IL1RAP: variants seen among roughly 807,000 people sequenced by gnomAD.
The protein encoded by IL1RAP is interleukin 1 receptor accessory protein, also known as interleukin-1 receptor accessory protein.
IL1RAP carries 35 observed loss-of-function variants against 60.7 expected under a neutral mutation model. The ratio of observed to expected loss-of-function variants is 0.58; its 90% CI spans 0.44 to 0.76. IL1RAP has a LOEUF of 0.76. IL1RAP is among the 30% of genes least tolerant of loss of function. The pLI, the probability that IL1RAP is intolerant of heterozygous loss-of-function variation, is 0.00. For missense variants in IL1RAP, 572 were observed against 693.9 expected (o/e 0.82, Z 1.97); for synonymous variants, 268 against 250.9 (o/e 1.07, Z -0.64).
chr3:190,631,060 A>C (rs1340968059), intron 9 of IL1RAP, among the ~76,000 whole-genome samples: 1 of 152,210 alleles, frequency 6.6e-6, no homozygotes, highest in Non-Finnish European at 1.5e-5. Context: ...TTAAAAAATC[A>C]ATCAAGTTAC....
intron 9 of IL1RAP, among the ~76,000 whole-genome samples, chr3:190,639,231 T>C (rs1577803372): frequency 6.6e-6 from 1 of 152,128 alleles, no homozygotes; most frequent in African/African-American, 2.4e-5. Flanking sequence ...CCTCACTCTT[T>C]CTCTTCTTTT....
rs367601645 is a variant in IL1RAP at position 190,573,929 on chromosome 3, A to C, written c.64+9576A>C. On this transcript the variant is annotated intron_variant, in intron 3 of 11. Coordinates refer to ENST00000447382, the MANE Select transcript of IL1RAP (RefSeq NM_002182.4). ...ATTTCTGAAAAGCCTCATAATTCAG[A>C]AATACATGTTTTCTTCCATCGTTAC... Among the ~76,000 whole-genome samples, 6 of 152,344 alleles carry C rather than the reference A, an allele frequency of 3.9e-5. No homozygotes were observed. In the East Asian group the frequency reaches 1.2e-3, roughly 29 times the overall value.
At chr3:190,631,099 T>A (rs1410932331) in intron 9 of IL1RAP, among the ~76,000 whole-genome samples, 3 of 152,222 alleles carry the variant, frequency 2.0e-5, no homozygotes, top group Non-Finnish European at 4.4e-5. Context: ...AAGTATTTAA[T>A]ATGTGAACAT....
At chr3:190,636,763 T>C (rs1733257610) in intron 9 of IL1RAP, among the ~76,000 whole-genome samples, 1 of 152,188 alleles carries the variant, frequency 6.6e-6, no homozygotes, top group Non-Finnish European at 1.5e-5. Context: ...AATCTGATCA[T>C]TTCTGGCTTT....
chr3:190,637,583 T>G (rs1249208131), intron 9 of IL1RAP, among the ~76,000 whole-genome samples: 1 of 152,170 alleles, frequency 6.6e-6, no homozygotes, highest in Non-Finnish European at 1.5e-5. Context: ...TATCAGTGTT[T>G]TAATATTTAT....
At chr3:190,633,762 G>T (rs1279240278) in intron 9 of IL1RAP, among the ~76,000 whole-genome samples, 1 of 152,162 alleles carries the variant, frequency 6.6e-6, no homozygotes, top group Admixed American at 6.5e-5. Context: ...TTAGGGTGGG[G>T]TTTGTTTGTT....
chr3:190,588,344 C>A (rs953502815), intron 3 of IL1RAP, among the ~76,000 whole-genome samples: 1 of 152,210 alleles, frequency 6.6e-6, no homozygotes, highest in East Asian at 1.9e-4. Flanking sequence ...GATCTCTTGA[C>A]CTCGTGATCC....
At chr3:190,580,256 C>T (rs1483975909) in intron 3 of IL1RAP, among the ~76,000 whole-genome samples, 2 of 152,178 alleles carry the variant, frequency 1.3e-5, no homozygotes, top group Non-Finnish European at 2.9e-5. Context: ...AGAACATCTC[C>T]TGTGAGTATC....
intron 2 of IL1RAP, among the ~76,000 whole-genome samples, chr3:190,556,517 C>A (rs1725442740): frequency 6.6e-6 from 1 of 152,080 alleles, no homozygotes; most frequent in Non-Finnish European, 1.5e-5. Flanking sequence ...GATATGAGGC[C>A]TAGAGAAGGG....
intron 9 of IL1RAP, among the ~76,000 whole-genome samples, chr3:190,634,872 C>T (rs796323123): frequency 1.1e-4 from 17 of 152,254 alleles, no homozygotes; most frequent in African/African-American, 3.9e-4. Flanking sequence ...TCCGCCTCCA[C>T]GGCCGGCTAA....
intron 3 of IL1RAP, among the ~76,000 whole-genome samples, chr3:190,585,216 G>A (rs1279967007): frequency 6.6e-6 from 1 of 152,042 alleles, no homozygotes; most frequent in Non-Finnish European, 1.5e-5. Flanking sequence ...GGCATTAGGG[G>A]ATGAAAAAGG....
chr3:190,587,949 C>T (rs543635047), intron 3 of IL1RAP, among the ~76,000 whole-genome samples: 13 of 152,310 alleles, frequency 8.5e-5, no homozygotes, highest in Admixed American at 3.3e-4. Flanking sequence ...ATGTCTAAAA[C>T]TTCCATCTAA....
intron 1 of IL1RAP, among the ~76,000 whole-genome samples, chr3:190,514,835 G>A (rs1304103443): frequency 6.6e-6 from 1 of 152,192 alleles, no homozygotes; most frequent in East Asian, 1.9e-4. Flanking sequence ...TCCCAGCCCC[G>A]GAGGAAGCGG....
At chr3:190,630,083 G>C (rs760945987) in intron 9 of IL1RAP, 9 of 778,028 alleles carry the variant, frequency 1.2e-5, no homozygotes, top group African/African-American at 3.8e-5. Flanking sequence ...TTCCAAAAAT[G>C]CATAATTATA....
intron 11 of IL1RAP, 111 bp downstream of exon 11, chr3:190,645,953 C>A (rs761598146): frequency 4.5e-6 from 4 of 898,374 alleles, no homozygotes; most frequent in South Asian, 1.8e-5. Context: ...ATTTAATGTC[C>A]GATGCTCTTT....
chr3:190,564,969 C>T (rs1041308326), intron 3 of IL1RAP, among the ~76,000 whole-genome samples: 12 of 152,102 alleles, frequency 7.9e-5, no homozygotes, highest in Non-Finnish European at 1.5e-5. Context: ...TTCAGATCTC[C>T]TCTTCTTCCC....
In IL1RAP at chr3:190,602,573, A is replaced by C. The variant is rs77455626; in HGVS notation, c.65-1555A>C. ...ATGTGGAGATAGTGGAATTAATGTA[A>C]GTTCAAGGAAAAAAAGAAACTATGG... On this transcript the variant is annotated intron_variant, in intron 3 of 11. Coordinates refer to ENST00000447382, the MANE Select transcript of IL1RAP (RefSeq NM_002182.4). Among the ~76,000 whole-genome samples, 86 of 152,314 alleles carry C rather than the reference A, an allele frequency of 5.6e-4. 1 individual carries two copies. Among genetic ancestry groups the C allele is most frequent in the African/African-American group, 2.1e-3 (86 of 41,570 alleles).
chr3:190,555,385 G>C (rs920349176), intron 1 of IL1RAP, among the ~76,000 whole-genome samples: 3 of 152,066 alleles, frequency 2.0e-5, no homozygotes, highest in Admixed American at 1.3e-4. Flanking sequence ...TATACTGTGT[G>C]GGGGGAGGTT....
chr3:190,573,795 C>A (rs955249143), intron 3 of IL1RAP, among the ~76,000 whole-genome samples: 4 of 152,040 alleles, frequency 2.6e-5, no homozygotes, highest in African/African-American at 9.7e-5. Context: ...TTTTAATTCT[C>A]TGTAAATTGA....
Sources: allele counts gnomAD v4.1 joint callset (sites outside exome capture counted in the v4.1 genomes callset), GRCh38; gene constraint gnomAD v4.1.1; transcripts MANE v1.5; gene names NCBI Gene and HGNC (gene_info 2026-07-23, HGNC 2026-07-21).